Variants in NCBP3 observed in about 807,000 individuals in gnomAD.
The protein encoded by NCBP3 is nuclear cap-binding protein subunit 3.
In NCBP3, 20 loss-of-function variants were observed where a neutral mutation model predicts 75.7. That is an observed-to-expected ratio of 0.26 (90% CI 0.19 to 0.38). The LOEUF is 0.38. Among genes scored for constraint, NCBP3 ranks in the 10% least tolerant of loss-of-function variants. The pLI is 1.00. For missense variants in NCBP3, 678 were observed against 796.9 expected (o/e 0.85, Z 1.80); for synonymous variants, 293 against 290.5 (o/e 1.01, Z -0.09).
chr17:3,832,501 G>A lies in NCBP3; in HGVS notation c.356-3133C>T, dbSNP rs565216722. ...AAACAATTAGCCAGGTGTGGTGGCA[G>A]GCACCTGTAGTCCCAGCTACTCGGG... On this transcript the variant is annotated intron_variant, in intron 3 of 12. Coordinates refer to ENST00000389005, the MANE Select transcript of NCBP3 (RefSeq NM_001114118.3). Among the ~76,000 whole-genome samples the A allele has an allele frequency of 1.9e-4, 22 of 116,648 alleles. 7 individuals carry two copies. Among genetic ancestry groups the A allele is most frequent in the South Asian group, 1.9e-3 (6 of 3,186 alleles). 76.5% of individuals were successfully genotyped at this position (116,648 alleles called of 152,430 possible). A position where few individuals can be genotyped will look rare whatever the true frequency, so the allele number is the denominator to read the frequency against.
In NCBP3 at chr17:3,806,759, A is replaced by G. The variant is rs2053341154; in HGVS notation, c.*6285T>C. The G allele has an allele frequency of 6.6e-6, 1 of 151,624 alleles. No individual in the cohort carries two copies. The highest frequency in any genetic ancestry group is 1.5e-5 in the Non-Finnish European group (1 of 67,952). 9.4% of individuals were successfully genotyped at this position (151,624 alleles called of 1,614,324 possible). On this transcript the variant is annotated 3_prime_UTR_variant, in exon 13 of 13. Transcript: ENST00000389005. ...AAAAAGCTACAATATTTTTCTTCTAAGATTTATTTTATAAACATGTAAGAA... is the reference window on the plus strand; with the variant it reads ...AAAAAGCTACAATATTTTTCTTCTAGGATTTATTTTATAAACATGTAAGAA...
At chr17:3,845,270 ATAT>A (rs2054141344) in intron 1 of NCBP3, among the ~76,000 whole-genome samples, 1 of 152,186 alleles carries the variant, frequency 6.6e-6, no homozygotes, top group African/African-American at 2.4e-5. Context: ...TTCAGTCTAA[ATAT>A]GTTGACATGT....
rs1310336602 is a variant in NCBP3, at chr17:3,804,552, A to C, written c.*8492T>G. 1 of 152,082 alleles carries C rather than the reference A, an allele frequency of 6.6e-6. No homozygotes were observed. Among genetic ancestry groups the C allele is most frequent in the Non-Finnish European group, 1.5e-5 (1 of 68,088 alleles). 9.4% of individuals were successfully genotyped at this position (152,082 alleles called of 1,614,324 possible). ...CAAGAGCAAGACTTCATCTCCAAAAAAAACAGAAAGGGCTGCCTGCTGTCT... is the reference window on the plus strand; with the variant it reads ...CAAGAGCAAGACTTCATCTCCAAAACAAACAGAAAGGGCTGCCTGCTGTCT... On this transcript the variant is annotated 3_prime_UTR_variant, in exon 13 of 13. Coordinates refer to ENST00000389005, the MANE Select transcript of NCBP3 (RefSeq NM_001114118.3).
rs187096860 is a variant in NCBP3 at position 3,819,793 on chromosome 17, T to C, written c.1001-1221A>G. ...TTATACTATTTATTATGAAAACAAA[T>C]GGGAAAAATGTAAGATGAACTCAGT... On this transcript the variant is annotated intron_variant, in intron 9 of 12. Coordinates refer to ENST00000389005, the MANE Select transcript of NCBP3 (RefSeq NM_001114118.3). Among the ~76,000 whole-genome samples the C allele has an allele frequency of 4.7e-3, 717 of 152,014 alleles. 2 individuals are homozygous for C. The highest frequency in any genetic ancestry group is 0.017 in the African/African-American group (685 of 41,442).
rs146185607 is a variant in NCBP3 at position 3,813,188 on chromosome 17, G to A, written c.1719C>T (p.Asp573=). 102 of 1,614,112 alleles carry A rather than the reference G, an allele frequency of 6.3e-5. No homozygotes were observed. The highest frequency in any genetic ancestry group is 7.7e-5 in the Non-Finnish European group (91 of 1,180,052). The change falls in exon 13 of 13, where the codon GAC becomes GAT. Residue 573 remains aspartate, a synonymous_variant. Transcript: ENST00000389005. ...VDHRAPGAEE[D]DSELQRAWGA... is the part of the protein sequence containing the mutation. ...CCCATGCCCTTTGCAGCTCAGAGTC[G>A]TCTTCCTCAGCGCCAGGCGCCCTGT...
At chr17:3,843,240 T>A in intron 1 of NCBP3, 89 bp from the exon 2 acceptor site, 1 of 1,002,984 alleles carries the variant, frequency 1.0e-6, no homozygotes, top group South Asian at 1.5e-5. Context: ...AGGTTCTTTT[T>A]TCCTTTTTTT....
intron 6 of NCBP3, 86 bp downstream of exon 6, chr17:3,825,681 G>T (rs188647794): frequency 9.4e-6 from 9 of 957,356 alleles, no homozygotes; most frequent in Middle Eastern, 2.1e-4. Flanking sequence ...GAGAAAAAAC[G>T]TAACTAAGTC....
At chr17:3,825,667 G>T in intron 6 of NCBP3, 100 bp downstream of exon 6, 1 of 814,260 alleles carries the variant, frequency 1.2e-6, no homozygotes, top group Non-Finnish European at 2.0e-6. Flanking sequence ...AATGGTGAAA[G>T]CTAGAGAAAA....
intron 2 of NCBP3, among the ~76,000 whole-genome samples, chr17:3,842,600 A>G (rs2054085162): frequency 6.6e-6 from 1 of 152,208 alleles, no homozygotes; most frequent in South Asian, 2.1e-4. Context: ...TTATCCTTTC[A>G]TGGCTGTAAG....
At chr17:3,821,405 G>A in intron 8 of NCBP3, 53 bp from the exon 9 acceptor site, 1 of 1,360,172 alleles carries the variant, frequency 7.4e-7, no homozygotes, top group South Asian at 1.2e-5. Context: ...GAAGGACCTT[G>A]AAATCCACTA....
intron 11 of NCBP3, among the ~76,000 whole-genome samples, chr17:3,815,712 T>C (rs1387345483): frequency 2.6e-5 from 4 of 152,190 alleles, no homozygotes; most frequent in Non-Finnish European, 5.9e-5. Context: ...GGATAAGAAT[T>C]TATACCGTAT....
rs991869251 is a variant in NCBP3 at position 3,816,982 on chromosome 17, G to C, written c.1311-712C>G. Among the ~76,000 whole-genome samples, 3 of 151,922 alleles carry C rather than the reference G, an allele frequency of 2.0e-5. No individual in the cohort carries two copies. In the East Asian group the frequency reaches 5.8e-4, roughly 30 times the overall value. On this transcript the variant is annotated intron_variant, in intron 10 of 12. Coordinates refer to ENST00000389005, the MANE Select transcript of NCBP3 (RefSeq NM_001114118.3). Reference sequence around the variant, plus strand: ...GCGGAGCTTGCAGTGAGCCGAGATCGTGTTATCGCTCCACTGCACTCCAGG... The same window carrying C: ...GCGGAGCTTGCAGTGAGCCGAGATCCTGTTATCGCTCCACTGCACTCCAGG...
Position 3,812,970 on chromosome 17 carries a change from G to T in NCBP3, c.*74C>A. On this transcript the variant is annotated 3_prime_UTR_variant, in exon 13 of 13. Coordinates refer to ENST00000389005, the MANE Select transcript of NCBP3 (RefSeq NM_001114118.3). The stretch of plus-strand genomic sequence containing the variant: ...CGAGAGGGCGCCAGCTCCTGCGGGG[G>T]AGGTTCCTACTGCGCGCCCCACCCT... 1 of 1,586,750 alleles carries T rather than the reference G, an allele frequency of 6.3e-7. No homozygotes were observed. Among genetic ancestry groups the T allele is most frequent in the Admixed American group, 1.8e-5 (1 of 56,192 alleles).
chr17:3,833,708 T>C (rs1044215027), intron 3 of NCBP3, among the ~76,000 whole-genome samples: 1 of 152,206 alleles, frequency 6.6e-6, no homozygotes, highest in Non-Finnish European at 1.5e-5. Context: ...TGTTTGCTTT[T>C]AAGGTATTTC....
chr17:3,840,310 A>C lies in NCBP3; in HGVS notation c.250-105T>G. 9.5e-6 allele frequency: 8 copies of C among 844,100 alleles called. No homozygotes were observed. In the South Asian group the frequency reaches 1.1e-4, roughly 11 times the overall value. 52.3% of individuals were successfully genotyped at this position (844,100 alleles called of 1,614,324 possible). On this transcript the variant is annotated intron_variant, in intron 2 of 12. Transcript: ENST00000389005. The stretch of plus-strand genomic sequence containing the variant: ...GACAAACCTGAACTAAAAAAGAAGA[A>C]ATAAGCAACACTACACCTTGAATCA...
intron 11 of NCBP3, 96 bp from the exon 12 acceptor site, chr17:3,814,579 G>T: frequency 7.7e-7 from 1 of 1,296,746 alleles, no homozygotes; most frequent in Non-Finnish European, 1.1e-6. Flanking sequence ...GCTAACCCCT[G>T]CCCCGAGGAC....
At chr17:3,841,844 A>T (rs908965395) in intron 2 of NCBP3, among the ~76,000 whole-genome samples, 1 of 151,472 alleles carries the variant, frequency 6.6e-6, no homozygotes, top group African/African-American at 2.4e-5. Context: ...AAAAAAAAAA[A>T]AAAACACTAT....
At chr17:3,837,646 A>C (rs1041781979) in intron 3 of NCBP3, among the ~76,000 whole-genome samples, 1 of 150,714 alleles carries the variant, frequency 6.6e-6, no homozygotes, top group African/African-American at 2.4e-5. Context: ...GGGCAGGAGA[A>C]TCGCTTGAAC....
rs775343254 is a variant in NCBP3 at position 3,818,591 on chromosome 17, A to G, written c.1001-19T>C. On this transcript the variant is annotated intron_variant, in intron 9 of 12. Transcript: ENST00000389005. This position sits in a 1 kb window ranked among gnomAD's most constrained non-coding sequence, Gnocchi z 4.7. ...ACTAGCCCTGAAGAAATTTAACCAG[A>G]AAACATTAGGAAAAGCACTAAAATT... is the stretch of plus-strand genomic sequence containing the variant. 1 of 1,580,812 alleles carries G rather than the reference A, an allele frequency of 6.3e-7. No individual in the cohort carries two copies. The highest frequency in any genetic ancestry group is 8.6e-7 in the Non-Finnish European group (1 of 1,168,536).
Sources: allele counts gnomAD v4.1 joint callset (sites outside exome capture counted in the v4.1 genomes callset), GRCh38; gene constraint gnomAD v4.1.1; non-coding constraint Gnocchi (gnomAD v3.1); transcripts MANE v1.5; gene names NCBI Gene and HGNC (gene_info 2026-07-23, HGNC 2026-07-21).